The following PCDHGA2 variants were observed in gnomAD, a reference collection of about 807,000 sequenced individuals.
PCDHGA2 encodes protocadherin gamma-A2.
In PCDHGA2, 40 loss-of-function variants were observed where a neutral mutation model predicts 59.2. The ratio of observed to expected loss-of-function variants is 0.68; its 90% CI spans 0.52 to 0.88. The LOEUF is 0.88. Ranked by LOEUF, PCDHGA2 falls within the 40% of genes least tolerant of loss-of-function variation. The pLI, the probability that PCDHGA2 is intolerant of heterozygous loss-of-function variation, is 0.00. For synonymous variants in PCDHGA2, 560 were observed against 526.0 expected, an observed-to-expected ratio of 1.06 and a Z score of -0.89; for missense variants, 1,226 against 1,204.0, an observed-to-expected ratio of 1.02 and a Z score of -0.27.
At chr5:141,499,061 G>A (rs1300036203) in intron 2 of PCDHGA2, among the ~76,000 whole-genome samples, 1 of 151,914 alleles carries the variant, frequency 6.6e-6, no homozygotes, top group African/African-American at 2.4e-5. Flanking sequence ...AAATGAAGAA[G>A]ACTTACATTC....
At chr5:141,404,469 C>T (rs1239367876) in intron 1 of PCDHGA2, 3 of 1,612,966 alleles carry the variant, frequency 1.9e-6, no homozygotes, top group African/African-American at 1.3e-5. Flanking sequence ...ACCTATGTCT[C>T]TATTAACTCA....
rs756216038 is a variant in PCDHGA2, at chr5:141,477,967, C to G, written c.2425-16840C>G. 1.9e-6 allele frequency: 3 copies of G among 1,614,032 alleles called. No homozygotes were observed. Among genetic ancestry groups the G allele is most frequent in the Admixed American group, 3.3e-5 (2 of 59,996 alleles). ...GTCTCTTGGGATCCCCTAACCAGAG[C>G]CTTTTTGCCATAGGGCTGCACACTG... On this transcript the variant is annotated intron_variant, in intron 1 of 3. Transcript: ENST00000394576. The surrounding 1 kb of genome is among the most constrained non-coding windows in gnomAD (Gnocchi z 4.9).
Position 141,431,168 on chromosome 5 carries a change from G to A in PCDHGA2, c.2425-63639G>A, listed in dbSNP as rs779778442. On this transcript the variant is annotated intron_variant, in intron 1 of 3. Coordinates refer to ENST00000394576, the MANE Select transcript of PCDHGA2 (RefSeq NM_018915.4). This position sits in a 1 kb window ranked among gnomAD's most constrained non-coding sequence, Gnocchi z 4.8. Reference sequence around the variant, plus strand: ...CAATGCGCCTTACTTTCGTGAAAGTGAATTAGAAATAAAAATTAGTGAAAA... The same window carrying A: ...CAATGCGCCTTACTTTCGTGAAAGTAAATTAGAAATAAAAATTAGTGAAAA... The A allele has an allele frequency of 9.9e-6, 16 of 1,614,206 alleles. No individual in the cohort carries two copies. The Admixed American group carries it at 1.2e-4, about 12-fold the overall frequency.
rs1446853595 is a variant in PCDHGA2 at position 141,491,363 on chromosome 5, C to A, written c.2425-3444C>A. The A allele has an allele frequency of 1.2e-6, 2 of 1,614,182 alleles. No homozygotes were observed. Among genetic ancestry groups the A allele is most frequent in the South Asian group, 2.2e-5 (2 of 91,082 alleles). On this transcript the variant is annotated intron_variant, in intron 1 of 3. Coordinates refer to ENST00000394576, the MANE Select transcript of PCDHGA2 (RefSeq NM_018915.4). The surrounding 1 kb of genome is among the most constrained non-coding windows in gnomAD (Gnocchi z 6.9). ...ACCGTCAGTCTCTTATCCCTAGTCA[C>A]CTTCACCTTTCTGTCAGCGAAGTGC...
rs755163825 is a variant in PCDHGA2, at chr5:141,491,048, C to A, written c.2425-3759C>A. 6.2e-6 allele frequency: 10 copies of A among 1,613,948 alleles called. No individual in the cohort carries two copies. Among genetic ancestry groups the A allele is most frequent in the Non-Finnish European group, 7.6e-6 (9 of 1,179,960 alleles). ...GTGGATGCTGATGCAGGCCACAATG[C>A]GTGGCTCTCCTACTCACTGTTGCCA... On this transcript the variant is annotated intron_variant, in intron 1 of 3. Coordinates refer to ENST00000394576, the MANE Select transcript of PCDHGA2 (RefSeq NM_018915.4). The surrounding 1 kb of genome is among the most constrained non-coding windows in gnomAD (Gnocchi z 6.9).
At chr5:141,345,230 T>A (rs1422786887) in intron 1 of PCDHGA2, 1 of 1,613,746 alleles carries the variant, frequency 6.2e-7, no homozygotes, top group Admixed American at 1.7e-5. Flanking sequence ...AATCAATAGA[T>A]CAATATTACC....
chr5:141,360,265 A>C, intron 1 of PCDHGA2: 1 of 1,613,874 alleles, frequency 6.2e-7, no homozygotes, highest in Non-Finnish European at 8.5e-7. Context: ...GCTGGCCAAA[A>C]ACTCGGTCGT....
chr5:141,405,471 A>C, intron 1 of PCDHGA2: 6 of 1,084,370 alleles, frequency 5.5e-6, no homozygotes, highest in Non-Finnish European at 7.9e-6. Context: ...CCAGGCTGGA[A>C]TGCAGTGGTG....
intron 2 of PCDHGA2, among the ~76,000 whole-genome samples, chr5:141,504,794 A>G (rs2099841154): frequency 6.6e-6 from 1 of 151,718 alleles, no homozygotes; most frequent in African/African-American, 2.4e-5. Flanking sequence ...GGCCTCCTAC[A>G]TCTCCCCCTA....
intron 1 of PCDHGA2, chr5:141,393,177 G>A (rs1330463387): frequency 6.2e-7 from 1 of 1,613,292 alleles, no homozygotes; most frequent in South Asian, 1.1e-5. Flanking sequence ...GGTAGAAATA[G>A]AAATAATTGA....
chr5:141,400,343 A>G, intron 1 of PCDHGA2: 1 of 1,614,026 alleles, frequency 6.2e-7, no homozygotes, highest in South Asian at 1.1e-5. Context: ...CCCCCCAACT[A>G]CAGTCAGGGG....
chr5:141,441,289 T>C (rs1350801949), intron 1 of PCDHGA2: 1 of 152,212 alleles, frequency 6.6e-6, no homozygotes, highest in Non-Finnish European at 1.5e-5. Flanking sequence ...CGAGGTCACA[T>C]GTCTGATATA....
At position 141,511,032 on chromosome 5, in the gene PCDHGA2, G is replaced by T. The variant is rs779589499; in HGVS notation, c.2658G>T (p.Gln886His). 6.2e-7 allele frequency: 1 copy of T among 1,614,228 alleles called. No individual in the cohort carries two copies. Among genetic ancestry groups the T allele is most frequent in the South Asian group, 1.1e-5 (1 of 91,090 alleles). ...GCTACGGACCCCAGTTCACCCTGCAGCACGTGCCCGACTACCGCCAGAATG... is the reference window on the plus strand; with the variant it reads ...GCTACGGACCCCAGTTCACCCTGCATCACGTGCCCGACTACCGCCAGAATG... ...SARYGPQFTLQHVPDYRQNVY... is the reference protein window; with the variant it reads ...SARYGPQFTLHHVPDYRQNVY... Residue 886 changes from glutamine (Q) to histidine (H), a missense_variant, in exon 4 of 4, where the codon CAG (glutamine) becomes CAT (histidine). Gln to His is a conservative substitution (Grantham distance 24, BLOSUM62 0). Coordinates refer to ENST00000394576, the MANE Select transcript of PCDHGA2 (RefSeq NM_018915.4).
At chr5:141,387,019 A>G (rs753625930) in intron 1 of PCDHGA2, among the ~76,000 whole-genome samples, 1 of 152,192 alleles carries the variant, frequency 6.6e-6, no homozygotes, top group Non-Finnish European at 1.5e-5. Context: ...TTGAAGATGA[A>G]TGTTGTATTT....
chr5:141,388,583 T>G, intron 1 of PCDHGA2: 1 of 1,613,894 alleles, frequency 6.2e-7, no homozygotes, highest in Non-Finnish European at 8.5e-7. Flanking sequence ...TTCTAGTGAC[T>G]GATGCCAATG....
chr5:141,445,376 A>T (rs1182418123), intron 1 of PCDHGA2, among the ~76,000 whole-genome samples: 1 of 152,220 alleles, frequency 6.6e-6, no homozygotes, highest in Non-Finnish European at 1.5e-5. Context: ...TGGGTGGTTC[A>T]TTCATTCATT....
intron 1 of PCDHGA2, chr5:141,394,510 C>A (rs371348730): frequency 3.1e-6 from 5 of 1,614,216 alleles, no homozygotes; most frequent in Non-Finnish European, 3.4e-6. Context: ...CTGTACCCCG[C>A]CCTCCCCACA....
chr5:141,344,307 C>T lies in PCDHGA2; in HGVS notation c.2424+2912C>T. The T allele has an allele frequency of 6.2e-7, 1 of 1,614,026 alleles. No individual in the cohort carries two copies. The highest frequency in any genetic ancestry group is 8.5e-7 in the Non-Finnish European group (1 of 1,179,936). ...CTTGGTCACCGCGGAGAGGATAGAC[C>T]GGGAGGAGCTCTGCGCTCAGATCCC... On this transcript the variant is annotated intron_variant, in intron 1 of 3. Transcript: ENST00000394576.
intron 1 of PCDHGA2, chr5:141,376,446 GC>G (rs1772699263): frequency 6.2e-7 from 1 of 1,614,074 alleles, no homozygotes. Flanking sequence ...TATGAGAAAA[GC>G]GAGCCTCTTC....
Sources: allele counts gnomAD v4.1 joint callset (sites outside exome capture counted in the v4.1 genomes callset), GRCh38; gene constraint gnomAD v4.1.1; non-coding constraint Gnocchi (gnomAD v3.1); transcripts MANE v1.5; gene names NCBI Gene and HGNC (gene_info 2026-07-23, HGNC 2026-07-21).